The following TSNARE1 variants were observed in gnomAD, a reference collection of about 807,000 sequenced individuals.
The protein encoded by TSNARE1 is t-SNARE domain-containing protein 1.
A neutral mutation model predicts 62.0 loss-of-function variants in TSNARE1; 49 were observed. The ratio of observed to expected loss-of-function variants is 0.79; its 90% CI spans 0.63 to 1.00. The LOEUF is 1.00. TSNARE1 is among the 50% of genes least tolerant of loss of function. The pLI is 0.00. For missense variants in TSNARE1, 755 were observed against 700.1 expected (o/e 1.08, Z -0.88); for synonymous variants, 328 against 294.4 (o/e 1.11, Z -1.17).
chr8:142,229,724 C>A, intron 12 of TSNARE1, 145 bp from the exon 13 acceptor site: 1 of 670,134 alleles, frequency 1.5e-6, no homozygotes, highest in Non-Finnish European at 2.6e-6. Flanking sequence ...CTGTGTCTTT[C>A]AAGGGGCTCT....
In TSNARE1 at chr8:142,229,516, T is replaced by C. The variant is rs2130071044; in HGVS notation, c.1510A>G (p.Ile504Val). ...SAGVTALLVI[I>V]IIIATSVRK ...CGGACAGAGGTGGCGATGATGATGATGATGACAAGCAGGGCAGTGACTCCA... is the reference window on the plus strand; with the variant it reads ...CGGACAGAGGTGGCGATGATGATGACGATGACAAGCAGGGCAGTGACTCCA... Residue 504 changes from isoleucine to valine, a missense_variant, in exon 13 of 14, where the codon ATC becomes GTC. Ile to Val is a conservative substitution (Grantham distance 29). Coordinates refer to ENST00000524325, the MANE Select transcript of TSNARE1 (RefSeq NM_145003.5). The C allele has an allele frequency of 6.2e-7, 1 of 1,614,072 alleles. No individual in the cohort carries two copies. Among genetic ancestry groups the C allele is most frequent in the Non-Finnish European group, 8.5e-7 (1 of 1,179,990 alleles).
chr8:142,382,500 T>C (rs1836841110), intron 1 of TSNARE1, among the ~76,000 whole-genome samples: 1 of 152,066 alleles, frequency 6.6e-6, no homozygotes, highest in Non-Finnish European at 1.5e-5. Flanking sequence ...AGCGCCTGAG[T>C]CATGCGGGCA....
In TSNARE1 at chr8:142,354,659, C is replaced by T; in HGVS notation, c.66G>A (p.Ser22=). Residue 22 remains serine, a synonymous_variant, in exon 2 of 14, where the codon TCG becomes TCA. Transcript: ENST00000524325. ...TACCTAGGGGCTGACAGCCTTGTCT[C>T]GAAGGTCCCCCGAAAGGGCCACGGC... The part of the protein sequence containing the change: ...LGSRGPFGGP[S]RQGCQPLECA... The T allele has an allele frequency of 1.9e-6, 3 of 1,613,368 alleles. No homozygotes were observed. The highest frequency in any genetic ancestry group is 2.5e-6 in the Non-Finnish European group (3 of 1,179,702).
chr8:142,271,424 T>C, intron 12 of TSNARE1: 1 of 1,248,962 alleles, frequency 8.0e-7, no homozygotes, highest in Non-Finnish European at 1.0e-6. Context: ...CAGCTGCTGC[T>C]CAAATGCGGA....
chr8:142,284,573 G>T, intron 10 of TSNARE1, 88 bp from the exon 11 acceptor site: 1 of 1,063,556 alleles, frequency 9.4e-7, no homozygotes. Flanking sequence ...AACCTGGGGC[G>T]GGCCCAGGTG....
At chr8:142,302,424 T>C (rs900408110) in intron 9 of TSNARE1, among the ~76,000 whole-genome samples, 1 of 152,288 alleles carries the variant, frequency 6.6e-6, no homozygotes, top group Non-Finnish European at 1.5e-5. Flanking sequence ...CGGGGCCTTC[T>C]GTGGCAGTGG....
At chr8:142,305,633 G>A (rs554230830) in intron 9 of TSNARE1, among the ~76,000 whole-genome samples, 15 of 152,172 alleles carry the variant, frequency 9.9e-5, no homozygotes, top group African/African-American at 2.7e-4. Flanking sequence ...GGGTCCCTCC[G>A]CGGCCTCCTC....
chr8:142,354,769 G>T lies in TSNARE1; in HGVS notation c.-39-6C>A. On this transcript the variant is annotated splice_region_variant and splice_polypyrimidine_tract_variant and intron_variant, in intron 1 of 13. Transcript: ENST00000524325. ...CCAGCAGCCTCCACACTGAGCTGGA[G>T]GAAACACGAAAAGCAGGGGGAAGAG... 6.6e-7 allele frequency: 1 copy of T among 1,512,576 alleles called. No individual in the cohort carries two copies. The highest frequency in any genetic ancestry group is 1.1e-5 in the South Asian group (1 of 89,016). The allele number at this position is 1,512,576 out of a possible 1,614,324, so 93.7% of individuals were successfully genotyped here.
intron 12 of TSNARE1, among the ~76,000 whole-genome samples, chr8:142,256,444 CACT>C (rs1359047644): frequency 2.6e-5 from 2 of 77,208 alleles, no homozygotes; most frequent in African/African-American, 5.1e-5. Flanking sequence ...TGGCTATCAC[CACT>C]ACCATTACCA....
chr8:142,362,984 T>G (rs562044581), intron 1 of TSNARE1, among the ~76,000 whole-genome samples: 262 of 152,234 alleles, frequency 1.7e-3, no homozygotes, highest in Non-Finnish European at 3.0e-3. Context: ...CCCTGGACGC[T>G]CGGGTCCTGG....
intron 13 of TSNARE1, among the ~76,000 whole-genome samples, chr8:142,216,805 C>T (rs1815861022): frequency 6.6e-6 from 1 of 152,232 alleles, no homozygotes; most frequent in South Asian, 2.1e-4. Flanking sequence ...GGTTGTTTAT[C>T]CTCCTCTCAG....
chr8:142,260,792 C>G (rs186387128), intron 12 of TSNARE1, among the ~76,000 whole-genome samples: 1 of 151,450 alleles, frequency 6.6e-6, no homozygotes, highest in East Asian at 2.0e-4. Context: ...AGCTCTGCCT[C>G]AGGCACTAAA....
chr8:142,325,898 C>G (rs1016897820), intron 6 of TSNARE1, among the ~76,000 whole-genome samples: 49 of 124,560 alleles, frequency 3.9e-4, no homozygotes, highest in South Asian at 1.1e-3. Context: ...AGACGGATGA[C>G]GAACCAGCAC....
At chr8:142,342,332 G>A (rs984141912) in intron 4 of TSNARE1, among the ~76,000 whole-genome samples, 10 of 152,228 alleles carry the variant, frequency 6.6e-5, no homozygotes, top group African/African-American at 2.4e-5. Flanking sequence ...CCCCGTCCAG[G>A]TGGGGCTGGG....
At chr8:142,235,094 G>C (rs528968455) in intron 12 of TSNARE1, among the ~76,000 whole-genome samples, 1 of 152,176 alleles carries the variant, frequency 6.6e-6, no homozygotes, top group African/African-American at 2.4e-5. Context: ...GCAGGCATTC[G>C]GGCACAGACT....
intron 4 of TSNARE1, among the ~76,000 whole-genome samples, chr8:142,338,901 T>C (rs1832147639): frequency 6.6e-6 from 1 of 152,190 alleles, no homozygotes; most frequent in South Asian, 2.1e-4. Flanking sequence ...CCCTCTGCCA[T>C]CTGGGAGCCA....
Position 142,260,349 on chromosome 8 carries a change from C to T in TSNARE1, c.1446+14432G>A, listed in dbSNP as rs543148524. On this transcript the variant is annotated intron_variant, in intron 12 of 13. Transcript: ENST00000524325. Reference sequence around the variant, plus strand: ...AGGGAAGGAGGGAAGAAAAGCGAGTCGGGAAGTTGAGGGCCAGATGAGCAA... The same window carrying T: ...AGGGAAGGAGGGAAGAAAAGCGAGTTGGGAAGTTGAGGGCCAGATGAGCAA... Among the ~76,000 whole-genome samples the T allele has an allele frequency of 9.2e-5, 14 of 152,110 alleles. No individual in the cohort carries two copies. The South Asian group carries it at 1.9e-3, about 20-fold the overall frequency.
At chr8:142,331,034 A>G (rs373039012) in intron 5 of TSNARE1, 64 bp from the exon 6 acceptor site, 20 of 1,475,280 alleles carry the variant, frequency 1.4e-5, no homozygotes, top group Non-Finnish European at 1.8e-5. Flanking sequence ...GCTACTCCAT[A>G]TGGGTGGCCC....
rs58755110 is a variant in TSNARE1, at chr8:142,311,290, G to GTTTTTTTTTTTTTTTTT, written c.1131+3077_1131+3093dup. Among the ~76,000 whole-genome samples the GTTTTTTTTTTTTTTTTT allele has an allele frequency of 5.8e-4, 33 of 57,348 alleles. 2 individuals carry two copies. The highest frequency in any genetic ancestry group is 1.8e-3 in the African/African-American group (19 of 10,732). The allele number at this position is 57,348 out of a possible 152,430, so 37.6% of individuals were successfully genotyped here. A position where few individuals can be genotyped will look rare whatever the true frequency, so the allele number is the denominator to read the frequency against. On this transcript the variant is annotated intron_variant, in intron 9 of 13. Coordinates refer to ENST00000524325, the MANE Select transcript of TSNARE1 (RefSeq NM_145003.5). The stretch of plus-strand genomic sequence containing the variant: ...CGATTCTCCTGCCTCAGCCTCTCTA[G>GTTTTTTTTTTTTTTTTT]TTTTTTTTTTTTTTTTTTTTTTTTG...
Sources: gnomAD v4.1 joint callset for allele counts (sites outside exome capture counted in the v4.1 genomes callset) on GRCh38, gnomAD v4.1.1 for gene constraint, MANE v1.5 for transcripts, NCBI Gene and HGNC (gene_info 2026-07-23, HGNC 2026-07-21) for gene names.